The following CDC45 variants were observed in gnomAD, a reference collection of about 807,000 sequenced individuals.
CDC45 encodes the protein cell division cycle 45, also known as cell division control protein 45 homolog.
A neutral mutation model predicts 77.8 loss-of-function variants in CDC45; 54 were observed. That is an observed-to-expected ratio of 0.69 (90% CI 0.56 to 0.87). The LOEUF (loss-of-function observed/expected upper bound fraction) is 0.87, where lower values mean the gene tolerates loss of function less well. Ranked by LOEUF, CDC45 falls within the 40% of genes least tolerant of loss-of-function variation. The pLI is 0.00. For missense variants in CDC45, 649 were observed against 721.6 expected (o/e 0.90, Z 1.15); for synonymous variants, 260 against 272.1 (o/e 0.96, Z 0.44).
In CDC45 at chr22:19,506,786, C is replaced by T. The variant is rs567619544; in HGVS notation, c.825-600C>T. Among the ~76,000 whole-genome samples, 3 of 152,228 alleles carry T rather than the reference C, an allele frequency of 2.0e-5. 1 individual carries two copies. The South Asian group carries it at 6.2e-4, about 32-fold the overall frequency. On this transcript the variant is annotated intron_variant, in intron 10 of 18. Coordinates refer to ENST00000263201, the MANE Select transcript of CDC45 (RefSeq NM_003504.5). ...CGTTTCTACGAAAAATACAAAAAAT[C>T]AGCCAGGCATGGTGGCGGGTGCCTA...
intron 6 of CDC45, among the ~76,000 whole-genome samples, chr22:19,495,001 T>C (rs1252690021): frequency 2.0e-5 from 3 of 152,182 alleles, no homozygotes; most frequent in Non-Finnish European, 2.9e-5. Flanking sequence ...CAGTGAACTA[T>C]GATTGTGCCA....
intron 9 of CDC45, 183 bp from the exon 10 acceptor site, chr22:19,505,179 A>G: frequency 3.1e-6 from 2 of 648,736 alleles, no homozygotes; most frequent in South Asian, 3.8e-5. Context: ...CGCTCCATCC[A>G]ATCATGTTTT....
intron 16 of CDC45, 79 bp downstream of exon 16, chr22:19,516,724 G>A: frequency 1.7e-6 from 2 of 1,151,794 alleles, no homozygotes; most frequent in Non-Finnish European, 2.4e-6. Flanking sequence ...GCTGAGTAGA[G>A]TGGTATTTGC....
chr22:19,517,590 C>T (rs992490520), intron 17 of CDC45, among the ~76,000 whole-genome samples: 5 of 152,210 alleles, frequency 3.3e-5, no homozygotes, highest in Non-Finnish European at 7.3e-5. Flanking sequence ...CACGTGTCTC[C>T]TCCCAGTCCT....
At chr22:19,515,710 A>G (rs951800445) in intron 15 of CDC45, among the ~76,000 whole-genome samples, 1 of 152,260 alleles carries the variant, frequency 6.6e-6, no homozygotes, top group African/African-American at 2.4e-5. Flanking sequence ...AACTAGGGAC[A>G]GAGCATGGGC....
At position 19,507,509 on chromosome 22, in the gene CDC45, A is replaced by C; in HGVS notation, c.948A>C (p.Ala316=). 2.5e-6 allele frequency: 4 copies of C among 1,614,162 alleles called. No homozygotes were observed. The highest frequency in any genetic ancestry group is 3.4e-6 in the Non-Finnish European group (4 of 1,180,030). Residue 316 remains alanine (A), a synonymous_variant, in exon 11 of 19, where the codon GCA becomes GCC. Transcript: ENST00000263201. ...HGQKRLQEFL[A]DMGLPLKQVK... ...AGAAGCGGCTCCAGGAGTTCCTTGC[A>C]GACATGGGGTGAGTGACTGCCTGGG... is the stretch of plus-strand genomic sequence containing the variant.
At chr22:19,479,901 G>T (rs923394428), upstream of CDC45, 23 of 1,517,966 alleles carry the variant, frequency 1.5e-5, no homozygotes, top group Non-Finnish European at 1.9e-5. Context: ...GTGATTTGGC[G>T]GGAGTCTTGA....
At chr22:19,480,405 G>A (rs1030981200) in intron 2 of CDC45, among the ~76,000 whole-genome samples, 188 bp downstream of exon 2, 1 of 152,214 alleles carries the variant, frequency 6.6e-6, no homozygotes, top group African/African-American at 2.4e-5. Context: ...TGTCCCAACG[G>A]TGTGGGGTGG....
intron 5 of CDC45, among the ~76,000 whole-genome samples, chr22:19,494,025 G>A (rs1156824452): frequency 1.3e-5 from 2 of 152,182 alleles, no homozygotes; most frequent in Non-Finnish European, 2.9e-5. Flanking sequence ...ATCCCATAGT[G>A]CTGTGGGTGA....
chr22:19,483,460 T>G (rs1359025430), intron 4 of CDC45, among the ~76,000 whole-genome samples: 1 of 152,032 alleles, frequency 6.6e-6, no homozygotes, highest in Non-Finnish European at 1.5e-5. Context: ...AAAATCAGCC[T>G]GGAGTTGCTT....
chr22:19,505,339 G>A (rs772714214), intron 9 of CDC45, 23 bp from the exon 10 acceptor site: 8 of 1,614,074 alleles, frequency 5.0e-6, no homozygotes, highest in Non-Finnish European at 6.8e-6. Flanking sequence ...ACCAGCCGAG[G>A]CTTGTGCTAC....
At chr22:19,511,107 T>C (rs1006231822) in intron 13 of CDC45, among the ~76,000 whole-genome samples, 1 of 152,220 alleles carries the variant, frequency 6.6e-6, no homozygotes, top group Non-Finnish European at 1.5e-5. Flanking sequence ...TGCACCATTT[T>C]ACATTCCCAC....
intron 5 of CDC45, among the ~76,000 whole-genome samples, chr22:19,487,184 C>G (rs557304692): frequency 1.3e-5 from 2 of 151,212 alleles, no homozygotes; most frequent in Admixed American, 6.6e-5. Context: ...CCCAGCTACT[C>G]GAGAGGCTGA....
chr22:19,516,160 G>A (rs2073735), intron 15 of CDC45, among the ~76,000 whole-genome samples: 55,884 of 151,950 alleles, frequency 0.37, 12,053 homozygotes, highest in Non-Finnish European at 0.48. Flanking sequence ...TGGAGAAGGT[G>A]GCAGCTGCTG....
chr22:19,502,489 AATTT>A (rs1413739025), intron 9 of CDC45, among the ~76,000 whole-genome samples: 1 of 152,190 alleles, frequency 6.6e-6, no homozygotes, highest in Non-Finnish European at 1.5e-5. Context: ...CATACATCTA[AATTT>A]ATTTTAACCC....
At chr22:19,519,788 AG>A (rs1263476788) in intron 18 of CDC45, among the ~76,000 whole-genome samples, 1 of 152,146 alleles carries the variant, frequency 6.6e-6, no homozygotes, top group South Asian at 2.1e-4. Flanking sequence ...ACAACAGCAT[AG>A]GGGGCCTCAG....
intron 13 of CDC45, among the ~76,000 whole-genome samples, chr22:19,509,597 C>T (rs563415134): frequency 7.9e-5 from 12 of 152,344 alleles, no homozygotes; most frequent in Middle Eastern, 6.8e-3. Context: ...GCAACTTTCA[C>T]ATTAGTGTAC....
intron 17 of CDC45, 47 bp downstream of exon 17, chr22:19,516,940 G>A (rs1447090543): frequency 2.0e-6 from 3 of 1,508,572 alleles, no homozygotes; most frequent in Non-Finnish European, 2.8e-6. Context: ...CTGACCCTTT[G>A]AGGCTATTGC....
rs13447182 is a variant in CDC45, at chr22:19,479,939, G to T, written c.-30G>T. ...GCCGCCGGGCTCTTGGTACCTCAGC[G>T]CGAGCGCCAGGCGTCCGGCCGCCGT... On this transcript the variant is annotated 5_prime_UTR_variant, in exon 1 of 19. Coordinates refer to ENST00000263201, the MANE Select transcript of CDC45 (RefSeq NM_003504.5). The T allele has an allele frequency of 0.055, 89,295 of 1,611,828 alleles. 2,749 individuals carry two copies. Among genetic ancestry groups the T allele is most frequent in the Middle Eastern group, 0.11 (563 of 5,296 alleles).
Sources: allele counts gnomAD v4.1 joint callset (sites outside exome capture counted in the v4.1 genomes callset), GRCh38; gene constraint gnomAD v4.1.1; transcripts MANE v1.5; gene names NCBI Gene and HGNC (gene_info 2026-07-23, HGNC 2026-07-21).